Variants in NUP93 observed in about 807,000 individuals in gnomAD.
NUP93 encodes nucleoporin 93, also known as nuclear pore complex protein Nup93.
NUP93 carries 55 observed loss-of-function variants against 107.8 expected under a neutral mutation model. That is an observed-to-expected ratio of 0.51 (90% confidence interval 0.41 to 0.64). NUP93 has a LOEUF of 0.64. Ranked by LOEUF, NUP93 falls within the 30% of genes least tolerant of loss-of-function variation. The probability of loss-of-function intolerance (pLI) is 0.00; values close to 1 mark genes in which losing one functional copy is unlikely to be tolerated. For synonymous variants in NUP93, 390 were observed against 397.5 expected, an observed-to-expected ratio of 0.98 and a Z score of 0.22; for missense variants, 937 against 1,044.7, an observed-to-expected ratio of 0.90 and a Z score of 1.42.
chr16:56,792,719 C>T (rs1962796423), intron 3 of NUP93, among the ~76,000 whole-genome samples: 1 of 152,210 alleles, frequency 6.6e-6, no homozygotes, highest in Non-Finnish European at 1.5e-5. Flanking sequence ...ATTAGTATGC[C>T]ATAAGCATAC....
Position 56,748,414 on chromosome 16 carries a change from C to T in NUP93, c.167C>T (p.Ala56Val), listed in dbSNP as rs751835590. ...CTAACACGCACGTCCCAGGAGACGG[C>T]AGATGTCAAGGCGTGAGTACTGGTA... ...RTLTRTSQET[A>V]DVKASVLLGS... is the part of the protein sequence containing the mutation. Residue 56 changes from alanine to valine, a missense_variant, in exon 2 of 22, where the codon GCA (alanine) becomes GTA (valine). Coordinates refer to ENST00000308159, the MANE Select transcript of NUP93 (RefSeq NM_014669.5). The T allele has an allele frequency of 6.2e-7, 1 of 1,612,242 alleles. No individual in the cohort carries two copies. Among genetic ancestry groups the T allele is most frequent in the Non-Finnish European group, 8.5e-7 (1 of 1,178,860 alleles).
At chr16:56,770,832 G>A (rs1962306767) in intron 3 of NUP93, among the ~76,000 whole-genome samples, 1 of 152,026 alleles carries the variant, frequency 6.6e-6, no homozygotes, top group African/African-American at 2.4e-5. Flanking sequence ...GGGAGGCCGA[G>A]GCTGGTGGAT....
rs985312716 is a variant in NUP93 at position 56,738,883 on chromosome 16, G to C, written c.-15+8672G>C. Among the ~76,000 whole-genome samples, 3 of 150,244 alleles carry C rather than the reference G, an allele frequency of 2.0e-5. No homozygotes were observed. The East Asian group carries it at 5.9e-4, about 29-fold the overall frequency. ...AACACCATTCTTGTGTTTTACTCCTGTCATAGTCTGATTAATAAGGTTTGA... is the reference window on the plus strand; with the variant it reads ...AACACCATTCTTGTGTTTTACTCCTCTCATAGTCTGATTAATAAGGTTTGA... On this transcript the variant is annotated intron_variant, in intron 1 of 21. Transcript: ENST00000308159.
At chr16:56,811,325 G>A (rs1398603604) in intron 5 of NUP93, among the ~76,000 whole-genome samples, 2 of 152,130 alleles carry the variant, frequency 1.3e-5, no homozygotes, top group African/African-American at 4.8e-5. Flanking sequence ...GGAACCTTGT[G>A]TTTTTATAGG....
intron 3 of NUP93, among the ~76,000 whole-genome samples, chr16:56,777,030 G>C (rs1017974708): frequency 1.3e-4 from 20 of 152,164 alleles, no homozygotes; most frequent in African/African-American, 4.3e-4. Flanking sequence ...GCGTGTGTGT[G>C]TGTGCACGCA....
chr16:56,803,331 G>C (rs1963061761), intron 4 of NUP93, among the ~76,000 whole-genome samples: 1 of 152,030 alleles, frequency 6.6e-6, no homozygotes, highest in African/African-American at 2.4e-5. Flanking sequence ...CAGGTGTGGT[G>C]GTGCATGCTT....
At position 56,784,109 on chromosome 16, in the gene NUP93, AGTT is replaced by A. The variant is rs1191867095; in HGVS notation, c.298-14366_298-14364del. ...ATTTTAATTATTCATCAGTAATTTA[AGTT>A]AATGAGAAGTATGAATTTGTCACTA... On this transcript the variant is annotated intron_variant, in intron 3 of 21. Coordinates refer to ENST00000308159, the MANE Select transcript of NUP93 (RefSeq NM_014669.5). Among the ~76,000 whole-genome samples the A allele has an allele frequency of 2.6e-5, 4 of 152,316 alleles. No homozygotes were observed. The East Asian group carries it at 7.7e-4, about 29-fold the overall frequency.
At chr16:56,767,695 G>A (rs77881249) in intron 3 of NUP93, among the ~76,000 whole-genome samples, 15,196 of 152,226 alleles carry the variant, frequency 0.1, 941 homozygotes, top group Middle Eastern at 0.24. Context: ...TTCCCTGGGA[G>A]TTTTCTCTCT....
chr16:56,764,028 T>G (rs1378338409), intron 3 of NUP93, among the ~76,000 whole-genome samples: 1 of 152,130 alleles, frequency 6.6e-6, no homozygotes, highest in African/African-American at 2.4e-5. Flanking sequence ...AGACTAAAGG[T>G]GTGATAATAA....
chr16:56,793,285 G>C (rs1228532997), intron 3 of NUP93, among the ~76,000 whole-genome samples: 1 of 152,148 alleles, frequency 6.6e-6, no homozygotes, highest in African/African-American at 2.4e-5. Flanking sequence ...GTTTTGGGAG[G>C]TGTTCTTTAT....
intron 3 of NUP93, among the ~76,000 whole-genome samples, chr16:56,774,510 A>G (rs1386766077): frequency 1.3e-5 from 2 of 152,084 alleles, no homozygotes; most frequent in African/African-American, 4.8e-5. Context: ...GCTAGTAACA[A>G]CAGATGCCAT....
chr16:56,835,087 C>G (rs1963883211), intron 16 of NUP93, among the ~76,000 whole-genome samples: 1 of 152,148 alleles, frequency 6.6e-6, no homozygotes, highest in Non-Finnish European at 1.5e-5. Flanking sequence ...ATTCTTGGCT[C>G]AGAAAACATG....
At chr16:56,797,824 A>C (rs1962933749) in intron 3 of NUP93, among the ~76,000 whole-genome samples, 1 of 152,186 alleles carries the variant, frequency 6.6e-6, no homozygotes, top group Admixed American at 6.5e-5. Flanking sequence ...GAAACTGTCA[A>C]ATTTCAAAGC....
At chr16:56,808,542 C>CATTTA (rs1963224268) in intron 5 of NUP93, among the ~76,000 whole-genome samples, 1 of 105,396 alleles carries the variant, frequency 9.5e-6, no homozygotes, top group African/African-American at 4.3e-5. Context: ...AGTTATATAA[C>CATTTA]TATAAATATA....
intron 1 of NUP93, among the ~76,000 whole-genome samples, chr16:56,732,522 G>A (rs539606159): frequency 2.1e-4 from 32 of 152,320 alleles, no homozygotes; most frequent in African/African-American, 7.7e-4. Flanking sequence ...GAATGAGCAG[G>A]TCATGGGACT....
chr16:56,766,842 C>T (rs1421097833), intron 3 of NUP93, among the ~76,000 whole-genome samples: 3 of 152,108 alleles, frequency 2.0e-5, no homozygotes, highest in African/African-American at 7.2e-5. Flanking sequence ...AGGGGAGACC[C>T]TTGGCTTTAC....
chr16:56,826,443 G>A (rs535305949), intron 8 of NUP93, among the ~76,000 whole-genome samples: 79 of 151,812 alleles, frequency 5.2e-4, no homozygotes, highest in African/African-American at 1.9e-3. Context: ...TTGAACCTGG[G>A]AGGCAGAGGT....
intron 8 of NUP93, 60 bp downstream of exon 8, chr16:56,823,906 C>A: frequency 6.3e-7 from 1 of 1,587,070 alleles, no homozygotes; most frequent in Non-Finnish European, 8.6e-7. Flanking sequence ...AACTGTTTCT[C>A]AGATCTTAAG....
intron 3 of NUP93, among the ~76,000 whole-genome samples, chr16:56,761,738 TA>T (rs767540455): frequency 2.6e-5 from 4 of 152,202 alleles, no homozygotes; most frequent in Non-Finnish European, 5.9e-5. Flanking sequence ...CTTATAAGCT[TA>T]AAGGCATTTT....
Sources: allele counts gnomAD v4.1 joint callset (sites outside exome capture counted in the v4.1 genomes callset), GRCh38; gene constraint gnomAD v4.1.1; transcripts MANE v1.5; gene names NCBI Gene and HGNC (gene_info 2026-07-23, HGNC 2026-07-21).